Variants in CDH18 observed in about 807,000 individuals in gnomAD.
CDH18 encodes cadherin 18.
A neutral mutation model predicts 67.9 loss-of-function variants in CDH18; 31 were observed. That is an observed-to-expected ratio of 0.46 (90% CI 0.34 to 0.62). CDH18 has a LOEUF of 0.62. CDH18 is among the 20% of genes least tolerant of loss of function. CDH18 has a pLI of 0.01. For missense variants in CDH18, 890 were observed against 975.5 expected (o/e 0.91, Z 1.17); for synonymous variants, 362 against 347.2 (o/e 1.04, Z -0.48).
At chr5:19,769,456 G>A (rs1315698462) in intron 3 of CDH18, among the ~76,000 whole-genome samples, 1 of 152,078 alleles carries the variant, frequency 6.6e-6, no homozygotes, top group Non-Finnish European at 1.5e-5. Flanking sequence ...CAAACTAGCT[G>A]TTAAAAATGA....
intron 11 of CDH18, among the ~76,000 whole-genome samples, chr5:19,484,000 C>T (rs1371177585): frequency 6.6e-6 from 1 of 152,150 alleles, no homozygotes; most frequent in Non-Finnish European, 1.5e-5. Context: ...ATGCATAAAA[C>T]AGGTATAAGA....
chr5:20,147,041 G>A (rs528640900), intron 2 of CDH18, among the ~76,000 whole-genome samples: 13 of 152,046 alleles, frequency 8.6e-5, no homozygotes, highest in Non-Finnish European at 1.6e-4. Context: ...TACTCACAGT[G>A]GAGTTTGTAA....
At chr5:20,366,324 C>G (rs906409509) in intron 1 of CDH18, among the ~76,000 whole-genome samples, 2 of 152,186 alleles carry the variant, frequency 1.3e-5, no homozygotes, top group Non-Finnish European at 2.9e-5. Context: ...TTTGCTGATT[C>G]AACCTCCTGA....
intron 9 of CDH18, among the ~76,000 whole-genome samples, chr5:19,530,425 TTC>T (rs1219721899): frequency 6.6e-6 from 1 of 152,156 alleles, no homozygotes; most frequent in Non-Finnish European, 1.5e-5. Context: ...AATTGTAATT[TTC>T]TTTTTTTATT....
At chr5:19,602,069 A>G (rs116218159) in intron 6 of CDH18, among the ~76,000 whole-genome samples, 2,336 of 152,296 alleles carry the variant, frequency 0.015, 59 homozygotes, top group African/African-American at 0.053. Flanking sequence ...TTGAACTTTT[A>G]TTCAACATAA....
chr5:19,772,479 G>A (rs1432094639), intron 3 of CDH18, among the ~76,000 whole-genome samples: 2 of 152,038 alleles, frequency 1.3e-5, no homozygotes, highest in East Asian at 3.9e-4. Context: ...TGGGTTACAA[G>A]AGAAGGAATT....
At chr5:20,390,977 C>T (rs1394390540) in intron 1 of CDH18, among the ~76,000 whole-genome samples, 1 of 151,704 alleles carries the variant, frequency 6.6e-6, no homozygotes, top group Non-Finnish European at 1.5e-5. Context: ...CACACTGGGG[C>T]CTGTTGTGGG....
intron 2 of CDH18, among the ~76,000 whole-genome samples, chr5:19,955,922 T>G (rs979831848): frequency 6.6e-6 from 1 of 151,970 alleles, no homozygotes; most frequent in Non-Finnish European, 1.5e-5. Context: ...AGGTATTTTA[T>G]CATAAGGAAC....
chr5:19,560,979 A>G (rs1159346947), intron 8 of CDH18, among the ~76,000 whole-genome samples: 1 of 152,202 alleles, frequency 6.6e-6, no homozygotes, highest in Non-Finnish European at 1.5e-5. Context: ...CTTCTACAAG[A>G]ATGGCCATAA....
At chr5:20,375,639 C>T (rs1743351860) in intron 1 of CDH18, among the ~76,000 whole-genome samples, 1 of 152,136 alleles carries the variant, frequency 6.6e-6, no homozygotes, top group Admixed American at 6.5e-5. Context: ...GTGTGACTGT[C>T]AATTCATTTT....
intron 2 of CDH18, among the ~76,000 whole-genome samples, chr5:19,883,836 T>C (rs1579418967): frequency 1.3e-5 from 2 of 152,232 alleles, no homozygotes. Flanking sequence ...ATGTGCTTAC[T>C]CTTTTCAATA....
chr5:19,491,305 T>C (rs1741434777), intron 11 of CDH18, among the ~76,000 whole-genome samples: 1 of 152,176 alleles, frequency 6.6e-6, no homozygotes, highest in Non-Finnish European at 1.5e-5. Context: ...TGTGTGTTAT[T>C]TTGTTTAGGA....
chr5:19,859,252 C>G (rs955556308), intron 2 of CDH18, among the ~76,000 whole-genome samples: 1 of 152,050 alleles, frequency 6.6e-6, no homozygotes, highest in Non-Finnish European at 1.5e-5. Flanking sequence ...AATTCAGGCA[C>G]AGTTGGGTAG....
intron 5 of CDH18, among the ~76,000 whole-genome samples, chr5:19,644,642 A>G (rs890870194): frequency 3.3e-5 from 5 of 152,130 alleles, no homozygotes; most frequent in African/African-American, 1.2e-4. Flanking sequence ...TAGTTACTTA[A>G]ATGCATATTC....
intron 5 of CDH18, among the ~76,000 whole-genome samples, chr5:19,635,748 T>C (rs1303844797): frequency 6.6e-6 from 1 of 152,174 alleles, no homozygotes; most frequent in African/African-American, 2.4e-5. Context: ...TTACTTTCTT[T>C]AGTTACAAAC....
chr5:19,828,201 T>C (rs1780613743), intron 3 of CDH18, among the ~76,000 whole-genome samples: 1 of 152,076 alleles, frequency 6.6e-6, no homozygotes, highest in African/African-American at 2.4e-5. Context: ...AATACAATAA[T>C]AATGGAATCT....
At chr5:19,760,304 G>T (rs1210844507) in intron 3 of CDH18, among the ~76,000 whole-genome samples, 2 of 152,078 alleles carry the variant, frequency 1.3e-5, no homozygotes, top group Non-Finnish European at 2.9e-5. Context: ...ATTTCACAAG[G>T]CTTTGGTCAA....
chr5:20,300,014 C>T (rs139186557), intron 1 of CDH18, among the ~76,000 whole-genome samples: 17 of 151,886 alleles, frequency 1.1e-4, no homozygotes, highest in African/African-American at 4.1e-4. Context: ...AAATAACTGT[C>T]GAGGATTGCA....
At chr5:20,182,480 T>C (rs1561857350) in intron 2 of CDH18, among the ~76,000 whole-genome samples, 1 of 149,446 alleles carries the variant, frequency 6.7e-6, no homozygotes, top group Non-Finnish European at 1.5e-5. Flanking sequence ...TGCATGCCTA[T>C]AATCCCAGCT....
Sources: gnomAD v4.1 joint callset for allele counts (sites outside exome capture counted in the v4.1 genomes callset) on GRCh38, gnomAD v4.1.1 for gene constraint, MANE v1.5 for transcripts, NCBI Gene and HGNC (gene_info 2026-07-23, HGNC 2026-07-21) for gene names.